POLR3G: variants seen among roughly 807,000 people sequenced by gnomAD.
POLR3G encodes the protein DNA-directed RNA polymerase III subunit RPC7.
POLR3G carries 28 observed loss-of-function variants against 30.1 expected under a neutral mutation model. The observed-to-expected ratio is 0.93, with a 90% CI of 0.69 to 1.27. The LOEUF (loss-of-function observed/expected upper bound fraction) is 1.27, where lower values mean the gene tolerates loss of function less well. Among genes scored for constraint, POLR3G ranks in the 50% most tolerant of loss-of-function variants. The pLI is 0.00. For missense variants in POLR3G, 254 were observed against 264.6 expected (o/e 0.96, Z 0.28); for synonymous variants, 79 against 82.5 (o/e 0.96, Z 0.23).
chr5:90,487,605 A>G (rs1032290171), intron 2 of POLR3G, among the ~76,000 whole-genome samples: 1 of 151,650 alleles, frequency 6.6e-6, no homozygotes, highest in African/African-American at 2.4e-5. Context: ...GTTACCCAGG[A>G]TGGTCTCGAT....
intron 5 of POLR3G, among the ~76,000 whole-genome samples, chr5:90,498,817 C>CTG (rs925170245): frequency 1.3e-5 from 2 of 152,178 alleles, no homozygotes; most frequent in African/African-American, 4.8e-5. Context: ...AGACATTGTG[C>CTG]TGACAGGAAT....
In POLR3G at chr5:90,495,809, A is replaced by C. The variant is rs1221794545; in HGVS notation, c.304+76A>C. 36 of 1,485,294 alleles carry C rather than the reference A, an allele frequency of 2.4e-5. No individual in the cohort carries two copies. In the East Asian group the frequency reaches 4.8e-4, roughly 20 times the overall value. The allele number at this position is 1,485,294 out of a possible 1,614,324, so 92.0% of individuals were successfully genotyped here. ...CACCTCATGTTTTTTTTTTAGAATA[A>C]GTTTTCTATTTTTACCATAGGAAAA... On this transcript the variant is annotated intron_variant, in intron 4 of 7. Coordinates refer to ENST00000651687, the MANE Select transcript of POLR3G (RefSeq NM_006467.3).
At chr5:90,480,606 A>G (rs1321221943) in intron 1 of POLR3G, among the ~76,000 whole-genome samples, 1 of 152,172 alleles carries the variant, frequency 6.6e-6, no homozygotes, top group African/African-American at 2.4e-5. Flanking sequence ...GAGTTTTCCA[A>G]ACTTTTCCAG....
At chr5:90,490,558 C>T (rs762370867) in intron 3 of POLR3G, 14 of 396,858 alleles carry the variant, frequency 3.5e-5, no homozygotes, top group Admixed American at 6.1e-5. Context: ...ACACCATGCC[C>T]GGCTAACTTT....
intron 5 of POLR3G, among the ~76,000 whole-genome samples, chr5:90,499,291 A>G (rs918909358): frequency 3.9e-5 from 6 of 152,172 alleles, no homozygotes; most frequent in Admixed American, 1.3e-4. Context: ...TGAATGGCAA[A>G]GAAGGGAACT....
At chr5:90,477,933 A>G (rs1750916857) in intron 1 of POLR3G, among the ~76,000 whole-genome samples, 1 of 152,202 alleles carries the variant, frequency 6.6e-6, no homozygotes, top group Non-Finnish European at 1.5e-5. Flanking sequence ...GTAAATGAAG[A>G]GGATGAAGTA....
chr5:90,495,112 A>G (rs1751918279), intron 3 of POLR3G, among the ~76,000 whole-genome samples: 1 of 152,202 alleles, frequency 6.6e-6, no homozygotes, highest in Non-Finnish European at 1.5e-5. Flanking sequence ...TATTTTGGTT[A>G]TCTTTCTCTA....
intron 1 of POLR3G, among the ~76,000 whole-genome samples, chr5:90,478,569 C>CTTGTTTTTTTTTTTTTTTTT (rs1750957361): frequency 1.3e-5 from 1 of 79,332 alleles, no homozygotes; most frequent in Non-Finnish European, 2.3e-5. Flanking sequence ...CTGCGTGGTT[C>CTTGTTTTTTTTTTTTTTTTT]TTTTTTTTTT....
chr5:90,492,775 G>A (rs555570198), intron 3 of POLR3G, among the ~76,000 whole-genome samples: 91 of 151,746 alleles, frequency 6.0e-4, no homozygotes, highest in African/African-American at 2.1e-3. Flanking sequence ...CCAGCTACTC[G>A]GGAGACTGAG....
intron 7 of POLR3G, 138 bp downstream of exon 7, chr5:90,506,812 A>T (rs1752510934): frequency 7.6e-7 from 1 of 1,322,684 alleles, no homozygotes; most frequent in Non-Finnish European, 9.9e-7. Context: ...AATGGCATCG[A>T]TTCCTTGCTA....
chr5:90,475,486 ATTATTTAT>A (rs535364801), intron 1 of POLR3G, among the ~76,000 whole-genome samples: 5 of 144,420 alleles, frequency 3.5e-5, no homozygotes, highest in South Asian at 2.3e-4. Flanking sequence ...TAATTTTATT[ATTATTTAT>A]TTATTTATTT....
At chr5:90,476,706 G>C (rs1468676543) in intron 1 of POLR3G, among the ~76,000 whole-genome samples, 1 of 152,160 alleles carries the variant, frequency 6.6e-6, no homozygotes, top group East Asian at 1.9e-4. Flanking sequence ...AGTTTCCAAG[G>C]AGACCTTCAC....
chr5:90,486,723 G>C (rs1314910014), intron 2 of POLR3G, among the ~76,000 whole-genome samples: 4 of 152,160 alleles, frequency 2.6e-5, no homozygotes, highest in African/African-American at 4.8e-5. Context: ...TGCACTGTCA[G>C]TCATTTTTCC....
At chr5:90,494,568 T>A (rs6892000) in intron 3 of POLR3G, among the ~76,000 whole-genome samples, 1 of 151,676 alleles carries the variant, frequency 6.6e-6, no homozygotes, top group African/African-American at 2.4e-5. Flanking sequence ...ATTTTTTTTT[T>A]ATTCTAGCCA....
In POLR3G at chr5:90,512,964, T is replaced by G. The variant is rs570149508; in HGVS notation, c.*825T>G. The G allele has an allele frequency of 6.6e-5, 10 of 152,234 alleles. No homozygotes were observed. The highest frequency in any genetic ancestry group is 2.4e-4 in the African/African-American group (10 of 41,564). The allele number at this position is 152,234 out of a possible 1,614,324, so 9.4% of individuals were successfully genotyped here. On this transcript the variant is annotated 3_prime_UTR_variant, in exon 8 of 8. Coordinates refer to ENST00000651687, the MANE Select transcript of POLR3G (RefSeq NM_006467.3). ...ATATGTAGAATGCATGTGTGTGAAC[T>G]CTATGAAGTGAAGTGTGGTGGCCTT...
intron 5 of POLR3G, 78 bp downstream of exon 5, chr5:90,497,784 CA>C (rs1752061972): frequency 3.4e-6 from 5 of 1,483,564 alleles, no homozygotes; most frequent in Non-Finnish European, 4.6e-6. Context: ...TTTGTCAACC[CA>C]AAGTTATACT....
intron 5 of POLR3G, among the ~76,000 whole-genome samples, chr5:90,499,436 A>G (rs1275320550): frequency 6.6e-6 from 1 of 152,218 alleles, no homozygotes; most frequent in Non-Finnish European, 1.5e-5. Flanking sequence ...AGACTGGAAA[A>G]TGTTCACTCG....
intron 5 of POLR3G, among the ~76,000 whole-genome samples, chr5:90,501,061 C>A (rs1752222389): frequency 1.3e-5 from 2 of 152,032 alleles, no homozygotes; most frequent in Non-Finnish European, 2.9e-5. Context: ...AAAGCCATTA[C>A]AACATTTTAT....
chr5:90,502,035 G>C, intron 6 of POLR3G, 47 bp downstream of exon 6: 2 of 1,586,994 alleles, frequency 1.3e-6, no homozygotes, highest in South Asian at 2.3e-5. Flanking sequence ...AAATGTAAAA[G>C]ATCCTACCTC....
Sources: allele counts gnomAD v4.1 joint callset (sites outside exome capture counted in the v4.1 genomes callset), GRCh38; gene constraint gnomAD v4.1.1; transcripts MANE v1.5; gene names NCBI Gene and HGNC (gene_info 2026-07-23, HGNC 2026-07-21).